The following KPNB1 variants were observed in gnomAD, a reference collection of about 807,000 sequenced individuals.
The protein encoded by KPNB1 is importin subunit beta-1.
KPNB1 carries 7 observed loss-of-function variants against 113.0 expected under a neutral mutation model. That is an observed-to-expected ratio of 0.06 (90% CI 0.04 to 0.12). The LOEUF (loss-of-function observed/expected upper bound fraction) is 0.12, where lower values mean the gene tolerates loss of function less well. KPNB1 is among the 10% of genes least tolerant of loss of function. The pLI, the probability that KPNB1 is intolerant of heterozygous loss-of-function variation, is 1.00. For missense variants in KPNB1, 400 were observed against 1,054.8 expected, an observed-to-expected ratio of 0.38 and a Z score of 8.60; for synonymous variants, 363 against 378.6, an observed-to-expected ratio of 0.96 and a Z score of 0.48.
intron 13 of KPNB1, 56 bp downstream of exon 13, chr17:47,673,221 C>A: frequency 6.6e-7 from 1 of 1,521,490 alleles, no homozygotes; most frequent in South Asian, 1.2e-5. Context: ...ACTTTTGACA[C>A]CTAGGTCTGT....
chr17:47,660,026 T>A (rs1023525370), intron 5 of KPNB1, among the ~76,000 whole-genome samples: 1 of 152,180 alleles, frequency 6.6e-6, no homozygotes, highest in Non-Finnish European at 1.5e-5. Context: ...GTATAGTTAG[T>A]TAAGTAGATT....
At chr17:47,657,275 A>G (rs2029936661) in intron 4 of KPNB1, among the ~76,000 whole-genome samples, 1 of 152,244 alleles carries the variant, frequency 6.6e-6, no homozygotes. Context: ...AACTGAAAAC[A>G]GAAGTCTATG....
chr17:47,680,721 G>C, intron 21 of KPNB1, 52 bp downstream of exon 21: 2 of 1,561,080 alleles, frequency 1.3e-6, no homozygotes, highest in Non-Finnish European at 1.7e-6. Context: ...GAGGAGGGGG[G>C]TATGTTTTCT....
intron 15 of KPNB1, among the ~76,000 whole-genome samples, chr17:47,675,015 T>C (rs948794582): frequency 6.6e-6 from 1 of 152,132 alleles, no homozygotes; most frequent in African/African-American, 2.4e-5. Context: ...AGATGGAGTT[T>C]CGCCATGTTG....
intron 10 of KPNB1, among the ~76,000 whole-genome samples, chr17:47,668,791 T>C (rs1207900920): frequency 6.6e-6 from 1 of 152,172 alleles, no homozygotes; most frequent in Non-Finnish European, 1.5e-5. Flanking sequence ...CAATAATTTT[T>C]TTTTGCACCT....
chr17:47,670,327 CAG>C (rs1265432401), intron 11 of KPNB1: 13 of 214,086 alleles, frequency 6.1e-5, no homozygotes, highest in Admixed American at 5.1e-4. Flanking sequence ...TGAAAGGAAA[CAG>C]AAATGAAATG....
intron 9 of KPNB1, among the ~76,000 whole-genome samples, chr17:47,666,598 AATTATATATATTTTATATAT>A (rs1215928474): frequency 6.9e-6 from 1 of 145,746 alleles, no homozygotes; most frequent in Non-Finnish European, 1.5e-5. Context: ...TATTATATAT[AATTATATATATTTTATATAT>A]ATTATATATA....
intron 3 of KPNB1, 106 bp downstream of exon 3, chr17:47,652,982 C>T (rs1675137992): frequency 1.3e-6 from 1 of 747,626 alleles, no homozygotes; most frequent in Non-Finnish European, 2.0e-6. Context: ...TGATAGGTTT[C>T]TGGGACCTCA....
In KPNB1 at chr17:47,677,219, T is replaced by G; in HGVS notation, c.2103+92T>G. 3 of 1,016,174 alleles carry G rather than the reference T, an allele frequency of 3.0e-6. No individual in the cohort carries two copies. The Admixed American group carries it at 6.1e-5, about 21-fold the overall frequency. 62.9% of individuals were successfully genotyped at this position (1,016,174 alleles called of 1,614,324 possible). A position where few individuals can be genotyped will look rare whatever the true frequency, so the allele number is the denominator to read the frequency against. ...TAAATATCGACCAGGCTGGGCGCAG[T>G]GGCCTGTAATCCCAGCATTTTGGGA... On this transcript the variant is annotated intron_variant, in intron 17 of 21. Coordinates refer to ENST00000290158, the MANE Select transcript of KPNB1 (RefSeq NM_002265.6).
intron 12 of KPNB1, 139 bp downstream of exon 12, chr17:47,670,971 A>G (rs113942956): frequency 1.2e-6 from 1 of 813,018 alleles, no homozygotes; most frequent in African/African-American, 1.7e-5. Flanking sequence ...ATTAAAAGAA[A>G]CCCGCTGGGC....
chr17:47,664,407 T>C, intron 8 of KPNB1, 138 bp downstream of exon 8: 1 of 605,926 alleles, frequency 1.7e-6, no homozygotes, highest in Non-Finnish European at 2.9e-6. Flanking sequence ...ATTTTTCTGC[T>C]AGCCAGAGCC....
At chr17:47,650,493 G>T (rs772617766) in intron 2 of KPNB1, 49 bp downstream of exon 2, 1 of 1,551,182 alleles carries the variant, frequency 6.4e-7, no homozygotes, top group Non-Finnish European at 8.7e-7. Flanking sequence ...CATCCCCTGC[G>T]TGCGGGGCCT....
intron 10 of KPNB1, 97 bp downstream of exon 10, chr17:47,668,507 C>T: frequency 2.2e-6 from 2 of 922,912 alleles, no homozygotes; most frequent in Admixed American, 2.4e-5. Flanking sequence ...AAATTGTCAT[C>T]TACAAAGATT....
rs2030352753 is a variant in KPNB1 at position 47,668,329 on chromosome 17, G to T, written c.1143G>T (p.Arg381=). The stretch of plus-strand genomic sequence containing the variant: ...AACACATCAAGAACCCAGATTGGCG[G>T]TACCGGGATGCAGCAGTGATGGCTT... ...IKEHIKNPDW[R]YRDAAVMAFG... is the part of the protein sequence containing the mutation. The change falls in exon 10 of 22, where the codon CGG becomes CGT. Residue 381 remains arginine (R), a synonymous_variant. Transcript: ENST00000290158. 1 of 1,614,060 alleles carries T rather than the reference G, an allele frequency of 6.2e-7. No individual in the cohort carries two copies. Among genetic ancestry groups the T allele is most frequent in the Admixed American group, 1.7e-5 (1 of 59,998 alleles).
At chr17:47,650,554 G>GTCCCCCTCCCCCTCCCCCC in intron 2 of KPNB1, 110 bp downstream of exon 2, 2 of 661,302 alleles carry the variant, frequency 3.0e-6, no homozygotes, top group Non-Finnish European at 4.7e-6. Flanking sequence ...GCCCCATCCC[G>GTCCCCCTCCCCCTCCCCCC]TCCCCCTCCC....
At position 47,676,527 on chromosome 17, in the gene KPNB1, T is replaced by C. The variant is rs779154986; in HGVS notation, c.1995+36T>C. The C allele has an allele frequency of 1.1e-5, 16 of 1,473,062 alleles. No individual in the cohort carries two copies. In the Admixed American group the frequency reaches 1.8e-4, roughly 17 times the overall value. The allele number at this position is 1,473,062 out of a possible 1,614,324, so 91.2% of individuals were successfully genotyped here. On this transcript the variant is annotated intron_variant, in intron 16 of 21. Transcript: ENST00000290158. ...CTTTTCAAAATAGTATGTTCCCATT[T>C]ATATCTGACAGTCACTGTAGTGCAC...
At chr17:47,657,269 G>A (rs1246835673) in intron 4 of KPNB1, among the ~76,000 whole-genome samples, 2 of 152,186 alleles carry the variant, frequency 1.3e-5, no homozygotes, top group African/African-American at 4.8e-5. Context: ...ATCGCAAACT[G>A]AAAACAGAAG....
intron 12 of KPNB1, among the ~76,000 whole-genome samples, chr17:47,671,367 T>A (rs1407846322): frequency 6.6e-6 from 1 of 152,218 alleles, no homozygotes; most frequent in African/African-American, 2.4e-5. Context: ...CTGAATATAG[T>A]GTAATTTCTC....
chr17:47,670,422 C>T (rs775981021), intron 11 of KPNB1: 1 of 276,828 alleles, frequency 3.6e-6, no homozygotes, highest in Non-Finnish European at 6.9e-6. Context: ...GATTATCAGA[C>T]AGGATTTCTG....
Sources: gnomAD v4.1 joint callset for allele counts (sites outside exome capture counted in the v4.1 genomes callset) on GRCh38, gnomAD v4.1.1 for gene constraint, MANE v1.5 for transcripts, NCBI Gene and HGNC (gene_info 2026-07-23, HGNC 2026-07-21) for gene names.